Variants in SLCO5A1 observed in about 807,000 individuals in gnomAD.
SLCO5A1 encodes the protein solute carrier organic anion transporter family member 5A1, also known as organic anion transporter polypeptide-related protein 4.
Under a neutral mutation model 65.1 loss-of-function variants are expected in SLCO5A1, and 39 were observed. The observed-to-expected ratio is 0.60, with a 90% CI of 0.46 to 0.78. SLCO5A1 has a LOEUF of 0.78. SLCO5A1 is among the 30% of genes least tolerant of loss of function. The pLI is 0.00. For synonymous variants in SLCO5A1, 438 were observed against 415.7 expected (o/e 1.05, Z -0.65); for missense variants, 1,029 against 1,069.4 (o/e 0.96, Z 0.53).
rs1034872171 is a variant in SLCO5A1 at position 69,669,932 on chromosome 8, A to G, written c.*2937T>C. ...AAATCGTCAACACTCAACAAATGCT[A>G]ATTTTTTTCCTCTCTGTTCCTCCTT... On this transcript the variant is annotated 3_prime_UTR_variant, in exon 10 of 10. Transcript: ENST00000260126. 1 of 152,124 alleles carries G rather than the reference A, an allele frequency of 6.6e-6. No homozygotes were observed. The highest frequency in any genetic ancestry group is 2.4e-5 in the African/African-American group (1 of 41,416). The allele number at this position is 152,124 out of a possible 1,614,324, so 9.4% of individuals were successfully genotyped here. A position where few individuals can be genotyped will look rare whatever the true frequency, so the allele number is the denominator to read the frequency against.
At chr8:69,729,327 C>A (rs1426663746) in intron 5 of SLCO5A1, among the ~76,000 whole-genome samples, 1 of 151,658 alleles carries the variant, frequency 6.6e-6, no homozygotes, top group Non-Finnish European at 1.5e-5. Context: ...GCCTGTAGTC[C>A]CAGCTACTTG....
At chr8:69,710,942 C>T (rs1815214255) in intron 5 of SLCO5A1, among the ~76,000 whole-genome samples, 1 of 152,086 alleles carries the variant, frequency 6.6e-6, no homozygotes, top group Admixed American at 6.5e-5. Flanking sequence ...CCGAAGTTTG[C>T]TTTGGGGAAT....
intron 2 of SLCO5A1, among the ~76,000 whole-genome samples, chr8:69,775,305 A>C (rs1818512299): frequency 1.3e-5 from 2 of 152,242 alleles, no homozygotes; most frequent in Non-Finnish European, 2.9e-5. Flanking sequence ...GGAACATACA[A>C]ATGTATAAGA....
At chr8:69,821,813 A>G (rs1455623471) in intron 2 of SLCO5A1, among the ~76,000 whole-genome samples, 1 of 151,832 alleles carries the variant, frequency 6.6e-6, no homozygotes, top group African/African-American at 2.4e-5. Context: ...CTCAAAAAAA[A>G]AAAAAAAAAG....
At chr8:69,762,795 T>G (rs1318698001) in intron 2 of SLCO5A1, among the ~76,000 whole-genome samples, 1 of 152,244 alleles carries the variant, frequency 6.6e-6, no homozygotes, top group African/African-American at 2.4e-5. Flanking sequence ...TTAAATAAGA[T>G]GTTACAATGC....
At chr8:69,800,412 T>C (rs1819683982) in intron 2 of SLCO5A1, among the ~76,000 whole-genome samples, 1 of 151,946 alleles carries the variant, frequency 6.6e-6, no homozygotes, top group Non-Finnish European at 1.5e-5. Flanking sequence ...ATGTGCTTTA[T>C]AGCTTATACC....
intron 2 of SLCO5A1, among the ~76,000 whole-genome samples, chr8:69,825,861 A>G (rs979085398): frequency 2.6e-4 from 39 of 152,254 alleles, no homozygotes; most frequent in African/African-American, 6.5e-4. Context: ...GAGGCATCAC[A>G]CTACCTGACT....
intron 4 of SLCO5A1, among the ~76,000 whole-genome samples, chr8:69,747,008 T>A (rs1817061978): frequency 6.6e-6 from 1 of 152,076 alleles, no homozygotes; most frequent in South Asian, 2.1e-4. Flanking sequence ...CTGGAGATCA[T>A]CCTTATAGCC....
intron 2 of SLCO5A1, among the ~76,000 whole-genome samples, chr8:69,770,461 AT>A (rs1456459198): frequency 1.3e-5 from 2 of 152,052 alleles, no homozygotes; most frequent in Admixed American, 6.6e-5. Context: ...AGTTAATTAA[AT>A]TTTTTTAATG....
intron 6 of SLCO5A1, among the ~76,000 whole-genome samples, chr8:69,683,994 T>C (rs1348514207): frequency 6.6e-6 from 1 of 152,252 alleles, no homozygotes; most frequent in Non-Finnish European, 1.5e-5. Context: ...AATGAGTCCT[T>C]AAATTTTAAT....
At chr8:69,731,124 C>T (rs1041778115) in intron 5 of SLCO5A1, among the ~76,000 whole-genome samples, 1 of 152,072 alleles carries the variant, frequency 6.6e-6, no homozygotes, top group African/African-American at 2.4e-5. Context: ...CTCAGCCTCC[C>T]AAGTAGCTGG....
chr8:69,811,363 T>C (rs1184456897), intron 2 of SLCO5A1, among the ~76,000 whole-genome samples: 3 of 152,202 alleles, frequency 2.0e-5, no homozygotes, highest in Admixed American at 6.5e-5. Context: ...ATTTATAACC[T>C]GAAAGCTTCG....
chr8:69,801,549 C>T (rs1014568841), intron 2 of SLCO5A1, among the ~76,000 whole-genome samples: 6 of 152,118 alleles, frequency 3.9e-5, no homozygotes, highest in Non-Finnish European at 8.8e-5. Context: ...TAGTCTTTCT[C>T]CATTGCTTCT....
intron 2 of SLCO5A1, chr8:69,773,008 G>A (rs1243239396): frequency 1.0e-6 from 1 of 976,410 alleles, no homozygotes; most frequent in African/African-American, 1.8e-5. Context: ...ATAATTAGTT[G>A]GGGAGGGAGG....
intron 2 of SLCO5A1, among the ~76,000 whole-genome samples, chr8:69,762,180 T>TCTCTCTCTCTCTCTC (rs1817820171): frequency 2.1e-5 from 2 of 95,164 alleles, no homozygotes; most frequent in African/African-American, 7.1e-5. Flanking sequence ...CTTTCTTTCT[T>TCTCTCTCTCTCTCTC]TCTTTCTTTC....
intron 5 of SLCO5A1, among the ~76,000 whole-genome samples, chr8:69,715,283 CA>C (rs1244554460): frequency 1.3e-5 from 2 of 152,174 alleles, no homozygotes; most frequent in African/African-American, 2.4e-5. Context: ...AGAATAAGAG[CA>C]CCTTATTAAC....
intron 5 of SLCO5A1, chr8:69,714,766 A>G (rs527576329): frequency 6.6e-6 from 1 of 152,362 alleles, no homozygotes; most frequent in African/African-American, 2.4e-5. Context: ...ATATTTATAT[A>G]AAGCCCATAT....
At chr8:69,687,320 C>A (rs1028251440) in intron 6 of SLCO5A1, among the ~76,000 whole-genome samples, 1 of 152,042 alleles carries the variant, frequency 6.6e-6, no homozygotes, top group Non-Finnish European at 1.5e-5. Flanking sequence ...ATCAACAAAG[C>A]GCAGTATGTC....
intron 2 of SLCO5A1, among the ~76,000 whole-genome samples, chr8:69,808,476 C>T (rs751002970): frequency 1.5e-3 from 225 of 152,106 alleles, no homozygotes; most frequent in Non-Finnish European, 2.4e-3. Context: ...GCTCCATCCA[C>T]GTTCCTGCAA....
Sources: allele counts gnomAD v4.1 joint callset (sites outside exome capture counted in the v4.1 genomes callset), GRCh38; gene constraint gnomAD v4.1.1; transcripts MANE v1.5; gene names NCBI Gene and HGNC (gene_info 2026-07-23, HGNC 2026-07-21).